Variants in ARHGAP8 observed in about 807,000 individuals in gnomAD.
The protein encoded by ARHGAP8 is rho GTPase-activating protein 8.
Under a neutral mutation model 46.1 loss-of-function variants are expected in ARHGAP8, and 62 were observed. The ratio of observed to expected loss-of-function variants is 1.34; its 90% confidence interval spans 1.10 to 1.66. The LOEUF is 1.66. Ranked by LOEUF, ARHGAP8 falls within the 40% of genes most tolerant of loss-of-function variation. The probability of loss-of-function intolerance (pLI) is 0.00; values close to 1 mark genes in which losing one functional copy is unlikely to be tolerated. For missense variants in ARHGAP8, 923 were observed against 568.4 expected, an observed-to-expected ratio of 1.62 and a Z score of -6.34; for synonymous variants, 375 against 243.1, an observed-to-expected ratio of 1.54 and a Z score of -5.05.
chr22:44,806,693 G>T (rs1418652760), intron 3 of ARHGAP8, among the ~76,000 whole-genome samples: 1 of 152,116 alleles, frequency 6.6e-6, no homozygotes, highest in African/African-American at 2.4e-5. Context: ...GGTGGCTCAT[G>T]CCTGTAATCC....
At chr22:44,762,066 G>T (rs1925170118) in intron 1 of ARHGAP8, among the ~76,000 whole-genome samples, 1 of 152,210 alleles carries the variant, frequency 6.6e-6, no homozygotes, top group Non-Finnish European at 1.5e-5. Context: ...TGGGAACACA[G>T]CCAAACCATA....
chr22:44,807,572 G>T (rs150083379), intron 3 of ARHGAP8, among the ~76,000 whole-genome samples: 1 of 152,314 alleles, frequency 6.6e-6, no homozygotes, highest in Non-Finnish European at 1.5e-5. Flanking sequence ...AACGGCAAGG[G>T]CTGAGCAGTC....
intron 7 of ARHGAP8, among the ~76,000 whole-genome samples, chr22:44,832,678 T>C (rs1931026708): frequency 6.6e-6 from 1 of 152,240 alleles, no homozygotes; most frequent in South Asian, 2.1e-4. Flanking sequence ...ATTTTCTATA[T>C]CCAGGATCAT....
intron 11 of ARHGAP8, among the ~76,000 whole-genome samples, chr22:44,860,334 G>C (rs1201591929): frequency 1.3e-5 from 2 of 152,136 alleles, no homozygotes; most frequent in African/African-American, 4.8e-5. Context: ...GGTGTGGCGG[G>C]CTGTGCTCCT....
intron 2 of ARHGAP8, among the ~76,000 whole-genome samples, chr22:44,795,068 C>T (rs1169101467): frequency 6.7e-6 from 1 of 150,340 alleles, no homozygotes; most frequent in Non-Finnish European, 1.5e-5. Context: ...AAAACGAAAT[C>T]TGTTGGTATG....
chr22:44,823,480 G>A (rs1251955055), intron 6 of ARHGAP8, among the ~76,000 whole-genome samples: 2 of 152,094 alleles, frequency 1.3e-5, no homozygotes, highest in African/African-American at 2.4e-5. Flanking sequence ...CATGTGATCA[G>A]GCAGAAGTTG....
chr22:44,808,157 TGAG>T (rs1227847657), intron 3 of ARHGAP8, 147 bp from the exon 4 acceptor site: 6 of 1,207,804 alleles, frequency 5.0e-6, no homozygotes, highest in South Asian at 1.7e-5. Context: ...ATCTGGGAAA[TGAG>T]GACCGGGGCC....
Position 44,814,671 on chromosome 22 carries a change from G to C in ARHGAP8, c.300-1G>C. On this transcript the variant is annotated splice_acceptor_variant, in intron 4 of 11. Coordinates refer to ENST00000356099, the MANE Select transcript of ARHGAP8 (RefSeq NM_181335.3). LOFTEE classifies it high-confidence loss of function. The stretch of plus-strand genomic sequence containing the variant: ...AAGTCATCCCCCGTTTCCCTCCTCA[G>C]GTACAAGAAGAACTTGAAGGCCCTC... The C allele has an allele frequency of 6.2e-7, 1 of 1,613,708 alleles. No individual in the cohort carries two copies.
chr22:44,859,755 C>G lies in ARHGAP8; in HGVS notation c.902C>G (p.Thr301Ser), dbSNP rs772208845. 4.3e-6 allele frequency: 7 copies of G among 1,613,868 alleles called. No individual in the cohort carries two copies. The highest frequency in any genetic ancestry group is 4.0e-5 in the African/African-American group (3 of 74,922). The change falls in exon 11 of 12, where the codon ACT (threonine) becomes AGT (serine). Residue 301 changes from threonine (T) to serine (S), a missense_variant. Thr to Ser is a moderately conservative substitution (Grantham distance 58). Coordinates refer to ENST00000356099, the MANE Select transcript of ARHGAP8 (RefSeq NM_181335.3). ...GGTGTGGAGAGCAGCCTGCGTGTCACTGGCTGCCGCCAGATCTTACGGAGC... is the reference window on the plus strand; with the variant it reads ...GGTGTGGAGAGCAGCCTGCGTGTCAGTGGCTGCCGCCAGATCTTACGGAGC... ...ITCVESSLRV[T>S]GCRQILRSLP...
chr22:44,855,956 A>G (rs1011320729), intron 10 of ARHGAP8, among the ~76,000 whole-genome samples: 2 of 152,190 alleles, frequency 1.3e-5, no homozygotes, highest in South Asian at 2.1e-4. Context: ...GAAGCTTTCA[A>G]TTATGACGGA....
intron 5 of ARHGAP8, among the ~76,000 whole-genome samples, chr22:44,821,732 G>GA (rs1240109150): frequency 6.6e-6 from 1 of 152,228 alleles, no homozygotes; most frequent in East Asian, 1.9e-4. Context: ...TTAGGAGGGA[G>GA]AACCCCCACT....
intron 10 of ARHGAP8, among the ~76,000 whole-genome samples, chr22:44,856,516 C>G (rs1381087670): frequency 6.6e-6 from 1 of 151,952 alleles, no homozygotes; most frequent in South Asian, 2.1e-4. Context: ...TCAGGTGATC[C>G]ATCCGTCTCG....
At chr22:44,772,417 T>C (rs1926106288) in intron 1 of ARHGAP8, among the ~76,000 whole-genome samples, 1 of 149,100 alleles carries the variant, frequency 6.7e-6, no homozygotes, top group African/African-American at 2.5e-5. Flanking sequence ...CTCGGACTCC[T>C]GACCTCAAGT....
intron 1 of ARHGAP8, among the ~76,000 whole-genome samples, chr22:44,772,253 T>TTTTTTTTTTTTTC (rs1555909610): frequency 1.2e-4 from 9 of 73,288 alleles, no homozygotes; most frequent in African/African-American, 1.4e-4. Context: ...TTTTTTTTTT[T>TTTTTTTTTTTTTC]CAAGACTGAG....
intron 1 of ARHGAP8, among the ~76,000 whole-genome samples, chr22:44,767,302 A>G (rs896003420): frequency 1.3e-5 from 2 of 152,210 alleles, no homozygotes; most frequent in South Asian, 4.2e-4. Flanking sequence ...TTGATTCAGA[A>G]GTTGGTATTG....
At chr22:44,807,504 T>C (rs1226432086) in intron 3 of ARHGAP8, among the ~76,000 whole-genome samples, 1 of 152,080 alleles carries the variant, frequency 6.6e-6, no homozygotes, top group East Asian at 1.9e-4. Flanking sequence ...TTGCTTGCCT[T>C]AGAAATGCAG....
At position 44,815,775 on chromosome 22, in the gene ARHGAP8, G is replaced by A. The variant is rs78179839; in HGVS notation, c.386+1017G>A. 1.2e-3 allele frequency among the ~76,000 whole-genome samples: 186 copies of A among 152,190 alleles called. 1 individual carries two copies. The highest frequency in any genetic ancestry group is 4.0e-3 in the African/African-American group (165 of 41,464). ...AGGCCTGGGAGGCTCTGCCTGGGTC[G>A]CATGGGCATCTTGTATTTTCTTCCG... On this transcript the variant is annotated intron_variant, in intron 5 of 11. Coordinates refer to ENST00000356099, the MANE Select transcript of ARHGAP8 (RefSeq NM_181335.3).
intron 5 of ARHGAP8, among the ~76,000 whole-genome samples, chr22:44,816,135 C>T (rs188710446): frequency 1.9e-4 from 28 of 146,570 alleles, no homozygotes; most frequent in South Asian, 1.1e-3. Context: ...CATCTCCCCC[C>T]TCGGCTCCTT....
chr22:44,823,736 T>G (rs926338819), intron 6 of ARHGAP8, among the ~76,000 whole-genome samples: 1 of 152,144 alleles, frequency 6.6e-6, no homozygotes, highest in East Asian at 1.9e-4. Flanking sequence ...GTAACTCACA[T>G]CCTCCTGTGT....
Sources: gnomAD v4.1 joint callset for allele counts (sites outside exome capture counted in the v4.1 genomes callset) on GRCh38, gnomAD v4.1.1 for gene constraint, MANE v1.5 for transcripts, NCBI Gene and HGNC (gene_info 2026-07-23, HGNC 2026-07-21) for gene names.